The following SLC36A1 variants were observed in gnomAD, a reference collection of about 807,000 sequenced individuals.
SLC36A1 encodes proton-coupled amino acid transporter 1.
SLC36A1 carries 30 observed loss-of-function variants against 47.5 expected under a neutral mutation model. The ratio of observed to expected loss-of-function variants is 0.63; its 90% confidence interval spans 0.47 to 0.86. The LOEUF (loss-of-function observed/expected upper bound fraction) is 0.86. Among genes scored for constraint, SLC36A1 ranks in the 40% least tolerant of loss-of-function variants. SLC36A1 has a pLI of 0.00. For missense variants in SLC36A1, 517 were observed against 606.0 expected (o/e 0.85, Z 1.54); for synonymous variants, 255 against 249.7 (o/e 1.02, Z -0.20).
At chr5:151,365,909 C>T in the SLC36A1 span, among the ~76,000 whole-genome samples, 2 of 152,114 alleles carry the variant, frequency 1.3e-5, no homozygotes, top group Admixed American at 1.3e-4. Flanking sequence ...TACCAGGTCT[C>T]CTGGATCACA....
At chr5:151,378,334 C>T in the SLC36A1 span, 1 of 197,842 alleles carries the variant, frequency 5.1e-6, no homozygotes, top group Non-Finnish European at 1.1e-5. Context: ...ACTCCATCCT[C>T]CTCGTCTGTT....
chr5:151,392,652 G>A, the SLC36A1 span, among the ~76,000 whole-genome samples: 8 of 152,210 alleles, frequency 5.3e-5, no homozygotes, highest in African/African-American at 1.4e-4. Context: ...CCTTCATTTC[G>A]TTATGTACCC....
upstream of SLC36A1, among the ~76,000 whole-genome samples, chr5:151,432,340 AC>A (rs1759404002): frequency 6.6e-6 from 1 of 152,194 alleles, no homozygotes; most frequent in Non-Finnish European, 1.5e-5. Flanking sequence ...TTCCCCGAGA[AC>A]AAGGAAAATC....
chr5:151,479,296 A>T (rs747108218), intron 9 of SLC36A1, 24 bp from the exon 10 acceptor site: 1 of 1,611,356 alleles, frequency 6.2e-7, no homozygotes, highest in Non-Finnish European at 8.5e-7. Context: ...GCAGGCTTGG[A>T]ATGTCTCCTG....
At chr5:151,400,598 AC>A in the SLC36A1 span, among the ~76,000 whole-genome samples, 1 of 152,160 alleles carries the variant, frequency 6.6e-6, no homozygotes, top group African/African-American at 2.4e-5. Context: ...TTCCACAGTG[AC>A]TGAACTAATT....
At chr5:151,397,593 C>T in the SLC36A1 span, among the ~76,000 whole-genome samples, 1,592 of 151,902 alleles carry the variant, frequency 0.01, 30 homozygotes, top group African/African-American at 0.036. Context: ...GGTGAAACCC[C>T]GTCTCTACTA....
chr5:151,544,102 TG>T, the SLC36A1 span: 2 of 1,614,220 alleles, frequency 1.2e-6, no homozygotes, highest in Non-Finnish European at 1.7e-6. Flanking sequence ...AAAGTGTTGT[TG>T]GGCTTCATAA....
At chr5:151,501,860 T>C in the SLC36A1 span, among the ~76,000 whole-genome samples, 1 of 147,988 alleles carries the variant, frequency 6.8e-6, no homozygotes. Context: ...AAAAGTAACT[T>C]AAAGTGGACC....
chr5:151,549,510 G>A, the SLC36A1 span: 1 of 1,613,420 alleles, frequency 6.2e-7, no homozygotes, highest in African/African-American at 1.3e-5. Flanking sequence ...TCGGACCTAT[G>A]GGCCCAAAGG....
the SLC36A1 span, chr5:151,509,919 G>A: frequency 1.5e-6 from 2 of 1,378,658 alleles, no homozygotes; most frequent in East Asian, 2.3e-5. Context: ...CCAGGTCCCT[G>A]CAGCACTCTC....
chr5:151,543,365 A>G, the SLC36A1 span: 1 of 1,614,158 alleles, frequency 6.2e-7, no homozygotes, highest in Non-Finnish European at 8.5e-7. Context: ...GTGTACTCAG[A>G]TGCTTTGAAC....
chr5:151,362,596 G>A, the SLC36A1 span, among the ~76,000 whole-genome samples: 2 of 151,922 alleles, frequency 1.3e-5, no homozygotes, highest in Admixed American at 6.6e-5. Context: ...TCACCATGTT[G>A]GCTGTGCTGG....
chr5:151,507,153 C>G, the SLC36A1 span: 1 of 1,574,364 alleles, frequency 6.4e-7, no homozygotes, highest in Non-Finnish European at 8.6e-7. Context: ...GCTATACTGA[C>G]CCATCTCCTC....
chr5:151,522,241 A>C, the SLC36A1 span: 2 of 585,628 alleles, frequency 3.4e-6, no homozygotes, highest in Non-Finnish European at 3.0e-6. Flanking sequence ...AAAAAAACCT[A>C]ACTCCAAAAG....
the SLC36A1 span, among the ~76,000 whole-genome samples, chr5:151,547,018 C>A: frequency 1.3e-5 from 2 of 152,130 alleles, no homozygotes; most frequent in African/African-American, 4.8e-5. Context: ...TTTTCAATAT[C>A]CATCCATTGC....
chr5:151,512,161 T>A, the SLC36A1 span: 1 of 1,608,834 alleles, frequency 6.2e-7, no homozygotes, highest in South Asian at 1.1e-5. This position sits in a 1 kb window ranked among gnomAD's most constrained non-coding sequence, Gnocchi z 4.1. Context: ...ACCCCAGCCC[T>A]CACCTGCCCC....
At chr5:151,408,505 A>T in the SLC36A1 span, among the ~76,000 whole-genome samples, 2,264 of 152,296 alleles carry the variant, frequency 0.015, 72 homozygotes, top group African/African-American at 0.052. Flanking sequence ...GTTTTAACAT[A>T]AGATTAATTT....
At chr5:151,494,253 G>T (rs1483244329), downstream of SLC36A1, among the ~76,000 whole-genome samples, 1 of 151,940 alleles carries the variant, frequency 6.6e-6, no homozygotes, top group Non-Finnish European at 1.5e-5. Flanking sequence ...GTCTTTAATG[G>T]GTATGCTTTA....
chr5:151,522,124 C>T, the SLC36A1 span: 1 of 1,487,294 alleles, frequency 6.7e-7, no homozygotes. Flanking sequence ...CCCAACAGAA[C>T]TGCAGTGCTC....
Sources: gnomAD v4.1 joint callset for allele counts (sites outside exome capture counted in the v4.1 genomes callset) on GRCh38, gnomAD v4.1.1 for gene constraint, Gnocchi (gnomAD v3.1) non-coding constraint, MANE v1.5 for transcripts, NCBI Gene and HGNC (gene_info 2026-07-23, HGNC 2026-07-21) for gene names.